The following TRPC4AP variants were observed in gnomAD, a reference collection of about 807,000 sequenced individuals.
TRPC4AP encodes the protein short transient receptor potential channel 4-associated protein.
TRPC4AP carries 45 observed loss-of-function variants against 99.0 expected under a neutral mutation model. The observed-to-expected ratio is 0.45, with a 90% CI of 0.36 to 0.58. TRPC4AP has a LOEUF of 0.58. Ranked by LOEUF, TRPC4AP falls within the 20% of genes least tolerant of loss-of-function variation. The probability of loss-of-function intolerance (pLI) is 0.00; values close to 1 mark genes in which losing one functional copy is unlikely to be tolerated. For synonymous variants in TRPC4AP, 408 were observed against 385.8 expected (o/e 1.06, Z -0.67); for missense variants, 879 against 985.3 (o/e 0.89, Z 1.44).
At chr20:35,008,277 C>T (rs1388371077) in intron 13 of TRPC4AP, among the ~76,000 whole-genome samples, 1 of 152,208 alleles carries the variant, frequency 6.6e-6, no homozygotes, top group Non-Finnish European at 1.5e-5. Context: ...ATTCACCCAG[C>T]CCCCAGCCCT....
chr20:35,024,662 T>C (rs1297864875), intron 8 of TRPC4AP, among the ~76,000 whole-genome samples: 1 of 151,638 alleles, frequency 6.6e-6, no homozygotes, highest in East Asian at 1.9e-4. Flanking sequence ...TGTCTCTTTT[T>C]ATTACAAAAA....
At chr20:35,085,145 T>C (rs972798301) in intron 1 of TRPC4AP, among the ~76,000 whole-genome samples, 1 of 152,202 alleles carries the variant, frequency 6.6e-6, no homozygotes, top group Non-Finnish European at 1.5e-5. Flanking sequence ...GTATGGACAC[T>C]GAACAGCATT....
At chr20:35,089,631 A>G (rs2084986940) in intron 1 of TRPC4AP, among the ~76,000 whole-genome samples, 1 of 152,076 alleles carries the variant, frequency 6.6e-6, no homozygotes, top group Non-Finnish European at 1.5e-5. Context: ...CAGGGGGATC[A>G]TGACGTCAGG....
At chr20:35,064,814 ATAACTT>A (rs1237427600) in intron 3 of TRPC4AP, among the ~76,000 whole-genome samples, 2 of 152,238 alleles carry the variant, frequency 1.3e-5, no homozygotes, top group African/African-American at 4.8e-5. Flanking sequence ...CCATATTACT[ATAACTT>A]TAACATTATA....
At chr20:35,067,311 G>A (rs942087055) in intron 3 of TRPC4AP, among the ~76,000 whole-genome samples, 6 of 152,122 alleles carry the variant, frequency 3.9e-5, no homozygotes, top group African/African-American at 1.2e-4. Flanking sequence ...AAAGCAAAAC[G>A]CCATCTCAGT....
At chr20:35,015,303 C>T (rs192025420) in intron 10 of TRPC4AP, among the ~76,000 whole-genome samples, 2 of 151,780 alleles carry the variant, frequency 1.3e-5, no homozygotes, top group Non-Finnish European at 2.9e-5. Flanking sequence ...CCCGGGAGCA[C>T]GGTTCTATAG....
chr20:35,041,531 G>A (rs958920984), intron 7 of TRPC4AP, among the ~76,000 whole-genome samples: 3 of 152,006 alleles, frequency 2.0e-5, no homozygotes, highest in Non-Finnish European at 2.9e-5. Context: ...ATTTTATAGA[G>A]ACTTTAAGAA....
At chr20:35,044,133 G>A (rs6060175) in intron 7 of TRPC4AP, among the ~76,000 whole-genome samples, 89,140 of 151,826 alleles carry the variant, frequency 0.59, 27,153 homozygotes, top group Middle Eastern at 0.74. Flanking sequence ...GCTCACACCT[G>A]TAATTCTAGC....
At chr20:35,044,947 T>G (rs2083526069) in intron 6 of TRPC4AP, among the ~76,000 whole-genome samples, 1 of 152,152 alleles carries the variant, frequency 6.6e-6, no homozygotes, top group Non-Finnish European at 1.5e-5. Flanking sequence ...GTCTGAGGAC[T>G]AAATTTACCT....
intron 6 of TRPC4AP, among the ~76,000 whole-genome samples, chr20:35,045,350 G>T (rs1290498584): frequency 6.6e-6 from 1 of 151,998 alleles, no homozygotes; most frequent in African/African-American, 2.4e-5. Context: ...ATCACTTCCC[G>T]CCGTTTTACC....
intron 13 of TRPC4AP, among the ~76,000 whole-genome samples, chr20:35,008,134 T>C (rs562176849): frequency 3.3e-5 from 5 of 152,282 alleles, no homozygotes; most frequent in Middle Eastern, 3.4e-3. Context: ...GACAAGGCAC[T>C]GAAGTGACAA....
intron 7 of TRPC4AP, among the ~76,000 whole-genome samples, chr20:35,039,760 A>G (rs983995954): frequency 6.6e-6 from 1 of 152,134 alleles, no homozygotes; most frequent in Non-Finnish European, 1.5e-5. Context: ...ACTTTCCCCC[A>G]GAAGGAAACC....
chr20:35,019,036 G>A (rs2082824525), intron 9 of TRPC4AP, among the ~76,000 whole-genome samples: 1 of 152,226 alleles, frequency 6.6e-6, no homozygotes, highest in Non-Finnish European at 1.5e-5. Context: ...CACATGGGGA[G>A]CCTTTCCAGT....
At chr20:35,071,155 T>C (rs2084303915) in intron 2 of TRPC4AP, among the ~76,000 whole-genome samples, 1 of 152,190 alleles carries the variant, frequency 6.6e-6, no homozygotes, top group Non-Finnish European at 1.5e-5. Context: ...GTTTAATTAG[T>C]TTCTATTACA....
chr20:35,053,160 T>C (rs1313534294), intron 5 of TRPC4AP, among the ~76,000 whole-genome samples: 1 of 152,242 alleles, frequency 6.6e-6, no homozygotes. Flanking sequence ...GGGATAGCCA[T>C]CAGCTTAAAT....
At position 35,069,037 on chromosome 20, in the gene TRPC4AP, TGAG is replaced by T. The variant is rs563503835; in HGVS notation, c.414+256_414+258del. On this transcript the variant is annotated intron_variant, in intron 3 of 18. Transcript: ENST00000252015. Reference sequence around the variant, plus strand: ...AGAAACTAGTAATCACAACTGGTTCTGAGGAGGGGACACTGGGAAATTTAGAGA... The same window carrying T: ...AGAAACTAGTAATCACAACTGGTTCTGAGGGGACACTGGGAAATTTAGAGA... 2.6e-3 allele frequency among the ~76,000 whole-genome samples: 394 copies of T among 151,822 alleles called. 5 individuals carry two copies. The highest frequency in any genetic ancestry group is 8.8e-3 in the African/African-American group (362 of 41,262).
chr20:35,005,445 C>T (rs555816660), intron 16 of TRPC4AP, among the ~76,000 whole-genome samples: 5 of 152,358 alleles, frequency 3.3e-5, no homozygotes, highest in South Asian at 4.1e-4. Flanking sequence ...CCAGGCAATA[C>T]CAGCCCAGAA....
intron 1 of TRPC4AP, among the ~76,000 whole-genome samples, chr20:35,084,673 T>C (rs528377028): frequency 2.4e-5 from 3 of 124,636 alleles, no homozygotes; most frequent in Non-Finnish European, 4.7e-5. Flanking sequence ...TGTGTATATG[T>C]ATATATGTTT....
chr20:35,021,161 G>A (rs767904828), intron 9 of TRPC4AP, 29 bp downstream of exon 9: 19 of 1,599,932 alleles, frequency 1.2e-5, no homozygotes, highest in African/African-American at 6.7e-5. Flanking sequence ...CCTGCTCCCC[G>A]TGTCCTGAGA....
Sources: allele counts gnomAD v4.1 joint callset (sites outside exome capture counted in the v4.1 genomes callset), GRCh38; gene constraint gnomAD v4.1.1; transcripts MANE v1.5; gene names NCBI Gene and HGNC (gene_info 2026-07-23, HGNC 2026-07-21).